The following MGAT1 variants were observed in gnomAD, a reference collection of about 807,000 sequenced individuals.
The protein encoded by MGAT1 is alpha-1,3-mannosyl-glycoprotein 2-beta-N-acetylglucosaminyltransferase.
MGAT1 carries 14 observed loss-of-function variants against 31.7 expected under a neutral mutation model. That is an observed-to-expected ratio of 0.44 (90% confidence interval 0.29 to 0.69). The LOEUF (loss-of-function observed/expected upper bound fraction) is 0.69, where lower values mean the gene tolerates loss of function less well. Among genes scored for constraint, MGAT1 ranks in the 30% least tolerant of loss-of-function variants. The pLI is 0.12. For missense variants in MGAT1, 557 were observed against 626.0 expected (o/e 0.89, Z 1.18); for synonymous variants, 338 against 276.0 (o/e 1.22, Z -2.23).
rs1358796984 is a variant in MGAT1, at chr5:180,813,279, GTTGTT to G, written c.-546+2130_-546+2134del. Among the ~76,000 whole-genome samples the G allele has an allele frequency of 5.9e-5, 9 of 152,210 alleles. No individual in the cohort carries two copies. The South Asian group carries it at 1.7e-3, about 28-fold the overall frequency. On this transcript the variant is annotated intron_variant, in intron 1 of 2. Coordinates refer to the MGAT1 transcript ENST00000333055. ...TATGATAGAACGATGGTTTTGCATT[GTTGTT>G]TTAAGTTTTATTCCACTAATTGCTA...
At position 180,788,694 on chromosome 5, in the gene MGAT1, A is replaced by ACAATGCACTTGGCTAGCTGCATGACAT. The variant is rs1767748068; in HGVS notation, c.*2939_*2940insATGTCATGCAGCTAGCCAAGTGCATTG. On this transcript the variant is annotated 3_prime_UTR_variant, in exon 2 of 2. Coordinates refer to ENST00000307826, the MANE Select transcript of MGAT1 (RefSeq NM_002406.4). ...AGTTGGTACTTATCCTGGAGCACTA[A>ACAATGCACTTGGCTAGCTGCATGACAT]GTAAGTTGGTACTTATCCTGGAGCA... 1 of 146,854 alleles carries ACAATGCACTTGGCTAGCTGCATGACAT rather than the reference A, an allele frequency of 6.8e-6. No homozygotes were observed. 9.1% of individuals were successfully genotyped at this position (146,854 alleles called of 1,614,324 possible). A position where few individuals can be genotyped will look rare whatever the true frequency, so the allele number is the denominator to read the frequency against.
At chr5:180,815,011 T>C (rs1417625688) in intron 1 of MGAT1, among the ~76,000 whole-genome samples, 2 of 151,928 alleles carry the variant, frequency 1.3e-5, no homozygotes, top group African/African-American at 4.8e-5. Context: ...GGAAAGGGAA[T>C]TTATTTCTTA....
intron 1 of MGAT1, among the ~76,000 whole-genome samples, chr5:180,794,210 C>T (rs1768832016): frequency 6.8e-6 from 1 of 146,524 alleles, no homozygotes; most frequent in Non-Finnish European, 1.5e-5. Context: ...GAGACCCTGT[C>T]TCTACAAGTA....
At chr5:180,802,410 C>A (rs973656083) in intron 1 of MGAT1, among the ~76,000 whole-genome samples, 3 of 152,134 alleles carry the variant, frequency 2.0e-5, no homozygotes, top group Non-Finnish European at 2.9e-5. Flanking sequence ...AGTTTCACAA[C>A]ATCCTCCCCA....
At chr5:180,810,647 A>C (rs1489307479) in intron 1 of MGAT1, 3 of 148,738 alleles carry the variant, frequency 2.0e-5, no homozygotes, top group African/African-American at 5.2e-5. Context: ...GGCCTGCTTG[A>C]CCTGGTTTCT....
upstream of MGAT1, among the ~76,000 whole-genome samples, chr5:180,804,768 G>T (rs370124554): frequency 1.6e-4 from 25 of 152,318 alleles, no homozygotes; most frequent in East Asian, 1.4e-3. Flanking sequence ...ACATCAGGGG[G>T]TGCTGAAAGG....
intron 1 of MGAT1, among the ~76,000 whole-genome samples, chr5:180,814,815 C>G (rs1772767937): frequency 6.6e-6 from 1 of 151,868 alleles, no homozygotes; most frequent in Non-Finnish European, 1.5e-5. Context: ...TGGCAGGTGC[C>G]TGTAATCCCA....
intron 1 of MGAT1, among the ~76,000 whole-genome samples, chr5:180,800,308 G>C (rs1378384720): frequency 6.6e-6 from 1 of 152,212 alleles, no homozygotes; most frequent in Non-Finnish European, 1.5e-5. Flanking sequence ...TCGATATTTA[G>C]TGGCTTAAAA....
intron 1 of MGAT1, among the ~76,000 whole-genome samples, chr5:180,797,437 G>A (rs907625938): frequency 6.8e-6 from 1 of 146,774 alleles, no homozygotes; most frequent in Admixed American, 6.7e-5. Flanking sequence ...AAAGGGGGGG[G>A]GGGCCCAGAG....
chr5:180,807,521 G>A (rs920108906), upstream of MGAT1, among the ~76,000 whole-genome samples: 2 of 152,208 alleles, frequency 1.3e-5, no homozygotes, highest in East Asian at 3.8e-4. Context: ...TAAGGAGCGG[G>A]AGAGATAACT....
chr5:180,794,896 T>G (rs1039484122), intron 1 of MGAT1, among the ~76,000 whole-genome samples: 1 of 152,222 alleles, frequency 6.6e-6, no homozygotes, highest in African/African-American at 2.4e-5. Context: ...ATGGTAACTT[T>G]ATTCATAATC....
At chr5:180,797,840 T>C (rs1769819178) in intron 1 of MGAT1, among the ~76,000 whole-genome samples, 3 of 149,512 alleles carry the variant, frequency 2.0e-5, no homozygotes, top group African/African-American at 2.5e-5. Flanking sequence ...CCAGCCCACC[T>C]CCTTAGGCTC....
Position 180,790,068 on chromosome 5 carries a change from A to T in MGAT1, c.*1566T>A, listed in dbSNP as rs1767860420. 1.3e-5 allele frequency: 2 copies of T among 152,246 alleles called. No individual in the cohort carries two copies. Among genetic ancestry groups the T allele is most frequent in the Non-Finnish European group, 2.9e-5 (2 of 68,076 alleles). 9.4% of individuals were successfully genotyped at this position (152,246 alleles called of 1,614,324 possible). On this transcript the variant is annotated 3_prime_UTR_variant, in exon 2 of 2. Coordinates refer to ENST00000307826, the MANE Select transcript of MGAT1 (RefSeq NM_002406.4). ...TCACTGGGGTTGCGTTTGGGAGTCC[A>T]AGCGCCACTGTGAGGCCAACCCTGG...
Position 180,785,948 on chromosome 5 carries a change from A to G in MGAT1, c.*5686T>C, listed in dbSNP as rs1428804720. On this transcript the variant is annotated 3_prime_UTR_variant, in exon 2 of 2. Transcript: ENST00000307826. ...ACTGAGGGTGCATCCCACCTCCTGCAGGGAAGGCAGCCAGACCACATTCCA... is the reference window on the plus strand; with the variant it reads ...ACTGAGGGTGCATCCCACCTCCTGCGGGGAAGGCAGCCAGACCACATTCCA... 1 of 152,286 alleles carries G rather than the reference A, an allele frequency of 6.6e-6. No homozygotes were observed. The highest frequency in any genetic ancestry group is 1.5e-5 in the Non-Finnish European group (1 of 68,086). The allele number at this position is 152,286 out of a possible 1,614,324, so 9.4% of individuals were successfully genotyped here.
rs537936687 is a variant in MGAT1 at position 180,811,820 on chromosome 5, T to G, written c.-545-2754A>C. ...CGGACAACCCACTGGCCTGCCTAGC[T>G]GTCTGACCTGCTCTCCCCTTCCTCT... On this transcript the variant is annotated intron_variant, in intron 1 of 2. Coordinates refer to the MGAT1 transcript ENST00000333055. Among the ~76,000 whole-genome samples the G allele has an allele frequency of 3.9e-5, 6 of 152,380 alleles. No individual in the cohort carries two copies. In the East Asian group the frequency reaches 1.2e-3, roughly 29 times the overall value.
At chr5:180,796,009 T>TTACTTGAAAGGATCTGA in intron 1 of MGAT1, 3 of 117,640 alleles carry the variant, frequency 2.6e-5, no homozygotes, top group East Asian at 3.4e-4. Flanking sequence ...CTCCAGACCA[T>TTACTTGAAAGGATCTGA]AACTCCTTGA....
rs1349041124 is a variant in MGAT1, at chr5:180,789,073, T to C, written c.*2561A>G. On this transcript the variant is annotated 3_prime_UTR_variant, in exon 2 of 2. Coordinates refer to ENST00000307826, the MANE Select transcript of MGAT1 (RefSeq NM_002406.4). ...AAAAAATATGGCTAAATAATCCATC[T>C]AAGCAACAGGGGAAGGCAAAACCCG... 1 of 152,234 alleles carries C rather than the reference T, an allele frequency of 6.6e-6. No homozygotes were observed. The highest frequency in any genetic ancestry group is 1.5e-5 in the Non-Finnish European group (1 of 68,038). The allele number at this position is 152,234 out of a possible 1,614,324, so 9.4% of individuals were successfully genotyped here.
rs768885940 is a variant in MGAT1, at chr5:180,792,921, A to G, written c.51T>C (p.Phe17=). The G allele has an allele frequency of 1.9e-6, 3 of 1,613,106 alleles. No homozygotes were observed. In the Admixed American group the frequency reaches 5.0e-5, roughly 27 times the overall value. The part of the protein sequence containing the change: ...AGLVLWGAIL[F]VAWNALLLLF... ...GGAGCAGCAGGGCATTCCAGGCCAC[A>G]AAGAGGATAGCGCCCCACAGCACAA... Residue 17 remains phenylalanine, a synonymous_variant, in exon 2 of 2, where the codon TTT becomes TTC. Transcript: ENST00000307826.
In MGAT1 at chr5:180,788,013, G is replaced by A. The variant is rs1298374800; in HGVS notation, c.*3621C>T. 1 of 154,904 alleles carries A rather than the reference G, an allele frequency of 6.5e-6. No homozygotes were observed. 9.6% of individuals were successfully genotyped at this position (154,904 alleles called of 1,614,324 possible). ...GTGGCAGGAGGTGGTCACAGCTGGA[G>A]GCAGAAGCAGGAATGCAGCAGCAGC... On this transcript the variant is annotated 3_prime_UTR_variant, in exon 2 of 2. Transcript: ENST00000307826.
Sources: allele counts gnomAD v4.1 joint callset (sites outside exome capture counted in the v4.1 genomes callset), GRCh38; gene constraint gnomAD v4.1.1; transcripts MANE v1.5; gene names NCBI Gene and HGNC (gene_info 2026-07-23, HGNC 2026-07-21).